SYCE1: variants seen among roughly 807,000 people sequenced by gnomAD.
SYCE1 encodes the protein cancer/testis antigen 76.
SYCE1 carries 37 observed loss-of-function variants against 55.1 expected under a neutral mutation model. The observed-to-expected ratio is 0.67, with a 90% CI of 0.52 to 0.88. SYCE1 has a LOEUF of 0.88. Ranked by LOEUF, SYCE1 falls within the 40% of genes least tolerant of loss-of-function variation. The probability of loss-of-function intolerance (pLI) is 0.00; values close to 1 mark genes in which losing one functional copy is unlikely to be tolerated. For missense variants in SYCE1, 399 were observed against 416.4 expected, an observed-to-expected ratio of 0.96 and a Z score of 0.36; for synonymous variants, 163 against 159.4, an observed-to-expected ratio of 1.02 and a Z score of -0.17.
chr10:133,564,284 C>G (rs1051561863), intron 1 of SYCE1: 43 of 633,862 alleles, frequency 6.8e-5, no homozygotes, highest in Non-Finnish European at 8.1e-5. Flanking sequence ...CAGGCCCCCA[C>G]CAGACGCTGA....
At chr10:133,559,441 C>T (rs948648732) in intron 2 of SYCE1, 81 bp from the exon 3 acceptor site, 19 of 1,375,168 alleles carry the variant, frequency 1.4e-5, no homozygotes, top group South Asian at 2.4e-5. Flanking sequence ...GCTGCTTTCA[C>T]GCAACACAGA....
At chr10:133,559,914 G>A in intron 2 of SYCE1, 177 bp downstream of exon 2, 1 of 630,150 alleles carries the variant, frequency 1.6e-6, no homozygotes, top group Non-Finnish European at 2.7e-6. Context: ...ATACCCTTTT[G>A]CTTCTTTAAT....
At chr10:133,556,717 G>A in intron 8 of SYCE1, 42 bp downstream of exon 8, 1 of 1,546,958 alleles carries the variant, frequency 6.5e-7, no homozygotes, top group Non-Finnish European at 8.8e-7. Context: ...GGTGCTGCTA[G>A]GGAAGATGTG....
At chr10:133,555,925 G>A in intron 9 of SYCE1, 22 bp from the exon 10 acceptor site, 1 of 1,613,718 alleles carries the variant, frequency 6.2e-7, no homozygotes, top group East Asian at 2.2e-5. Flanking sequence ...AGGGGCAGGT[G>A]AGCACATGAA....
upstream of SYCE1, among the ~76,000 whole-genome samples, chr10:133,566,430 G>A (rs2987797): frequency 0.72 from 108,527 of 151,398 alleles, 43,545 homozygotes; most frequent in Non-Finnish European, 0.89. Context: ...GGTTAGAGTT[G>A]GGGTTGGGGT....
At chr10:133,555,207 C>A in intron 12 of SYCE1, 78 bp from the exon 13 acceptor site, 1 of 1,536,672 alleles carries the variant, frequency 6.5e-7, no homozygotes, top group Non-Finnish European at 8.8e-7. Context: ...CCCATCACCA[C>A]CTTGGGTGGA....
Position 133,556,743 on chromosome 10 carries a change from G to C in SYCE1, c.528+16C>G. 1 of 1,556,902 alleles carries C rather than the reference G, an allele frequency of 6.4e-7. No homozygotes were observed. The highest frequency in any genetic ancestry group is 8.7e-7 in the Non-Finnish European group (1 of 1,150,100). On this transcript the variant is annotated intron_variant, in intron 8 of 12. Coordinates refer to ENST00000343131, the MANE Select transcript of SYCE1 (RefSeq NM_001143764.3). ...GGAAGATGTGGAAGGGGGAGGAGTG[G>C]CTTTGAGGGACTCACGTGGAAGTCC...
At chr10:133,568,117 A>C (rs1258548807), upstream of SYCE1, 6 of 755,644 alleles carry the variant, frequency 7.9e-6, no homozygotes, top group Non-Finnish European at 1.4e-5. Context: ...GCCCCAGGGC[A>C]CTGAGGGCGC....
In SYCE1 at chr10:133,559,902, CTA is replaced by C. The variant is rs998829176; in HGVS notation, c.136+187_136+188del. On this transcript the variant is annotated intron_variant, in intron 2 of 12. Transcript: ENST00000343131. ...GGGTTTTGGGAAAACATTTTGCCTT[CTA>C]TACCCTTTTGCTTCTTTAATTTTGA... 8.2e-6 allele frequency: 5 copies of C among 608,644 alleles called. No individual in the cohort carries two copies. The African/African-American group carries it at 9.3e-5, about 11-fold the overall frequency. The allele number at this position is 608,644 out of a possible 1,614,324, so 37.7% of individuals were successfully genotyped here. A position where few individuals can be genotyped will look rare whatever the true frequency, so the allele number is the denominator to read the frequency against.
chr10:133,556,617 T>G (rs1851689455), intron 8 of SYCE1, 142 bp downstream of exon 8: 1 of 825,906 alleles, frequency 1.2e-6, no homozygotes, highest in African/African-American at 1.7e-5. Flanking sequence ...GACAAGGGAC[T>G]GGATTCAGGC....
In SYCE1 at chr10:133,557,043, C is replaced by A. The variant is rs745412541; in HGVS notation, c.464+24G>T. 1.9e-6 allele frequency: 3 copies of A among 1,610,184 alleles called. No homozygotes were observed. In the African/African-American group the frequency reaches 4.0e-5, roughly 22 times the overall value. ...TCCCAACTACTGGCCATCCAAACCC[C>A]CTGCCTCAGATGCTAAGGTTTACCT... On this transcript the variant is annotated intron_variant, in intron 7 of 12. Transcript: ENST00000343131.
rs555607951 is a variant in SYCE1 at position 133,565,427 on chromosome 10, C to G, written c.73+30G>C. 1.3e-5 allele frequency: 20 copies of G among 1,536,398 alleles called. No homozygotes were observed. The African/African-American group carries it at 2.8e-4, about 21-fold the overall frequency. On this transcript the variant is annotated intron_variant, in intron 1 of 12. Coordinates refer to ENST00000343131, the MANE Select transcript of SYCE1 (RefSeq NM_001143764.3). The stretch of plus-strand genomic sequence containing the variant: ...CCCCGCCTCGGCGAGGTCAGACCCT[C>G]ACGCACAGTTCCCTGCCTCCCACCA...
At position 133,565,553 on chromosome 10, in the gene SYCE1, G is replaced by T; in HGVS notation, c.-24C>A. The T allele has an allele frequency of 1.3e-6, 2 of 1,547,454 alleles. No homozygotes were observed. The highest frequency in any genetic ancestry group is 8.7e-7 in the Non-Finnish European group (1 of 1,146,016). On this transcript the variant is annotated 5_prime_UTR_variant, in exon 1 of 13. Coordinates refer to ENST00000343131, the MANE Select transcript of SYCE1 (RefSeq NM_001143764.3). ...ATTTCCTCTCAGCTCGCCAGCGAGG[G>T]TGCCTCGGGAGGGAGCCTCCAGTGG...
In SYCE1 at chr10:133,560,155, T is replaced by C. The variant is rs199562735; in HGVS notation, c.74-2A>G. On this transcript the variant is annotated splice_acceptor_variant, in intron 1 of 12. Coordinates refer to ENST00000343131, the MANE Select transcript of SYCE1 (RefSeq NM_001143764.3). LOFTEE classifies it high-confidence loss of function. ...TTTTCTGTGAGGACGTGTCCTGCCC[T>C]GTGGAGACAAAACCAAACATTTCAG... The C allele has an allele frequency of 4.0e-5, 64 of 1,613,870 alleles. No homozygotes were observed. Among genetic ancestry groups the C allele is most frequent in the Non-Finnish European group, 2.2e-5 (26 of 1,179,874 alleles).
At chr10:133,562,464 A>G (rs1380159767) in intron 1 of SYCE1, among the ~76,000 whole-genome samples, 1 of 152,022 alleles carries the variant, frequency 6.6e-6, no homozygotes. Flanking sequence ...GCTCTGCTGC[A>G]TGAGGGACCT....
chr10:133,561,067 T>C (rs1851805273), intron 1 of SYCE1: 1 of 152,204 alleles, frequency 6.6e-6, no homozygotes, highest in Non-Finnish European at 1.5e-5. Flanking sequence ...CTTACATATG[T>C]TGATTTGTGT....
At position 133,561,179 on chromosome 10, in the gene SYCE1, C is replaced by T. The variant is rs1851807573; in HGVS notation, c.74-1026G>A. ...CTCCTGAGGCCGTGTCACAGGCATG[C>T]ATCCCTAACTTTGGTAAAATAAACT... On this transcript the variant is annotated intron_variant, in intron 1 of 12. Coordinates refer to ENST00000343131, the MANE Select transcript of SYCE1 (RefSeq NM_001143764.3). 4 of 152,338 alleles carry T rather than the reference C, an allele frequency of 2.6e-5. No homozygotes were observed. The South Asian group carries it at 8.3e-4, about 32-fold the overall frequency. The allele number at this position is 152,338 out of a possible 1,614,324, so 9.4% of individuals were successfully genotyped here.
chr10:133,557,211 T>C (rs766477841), intron 6 of SYCE1, 55 bp from the exon 7 acceptor site: 31 of 1,481,548 alleles, frequency 2.1e-5, no homozygotes, highest in Non-Finnish European at 2.9e-5. Flanking sequence ...AGGAGGGCAC[T>C]GGGCTGGGGC....
intron 8 of SYCE1, 180 bp downstream of exon 8, chr10:133,556,579 C>G: frequency 1.5e-6 from 1 of 672,064 alleles, no homozygotes. Flanking sequence ...ATCCCCCTGA[C>G]CACTGAGCAG....
Sources: allele counts gnomAD v4.1 joint callset (sites outside exome capture counted in the v4.1 genomes callset), GRCh38; gene constraint gnomAD v4.1.1; transcripts MANE v1.5; gene names NCBI Gene and HGNC (gene_info 2026-07-23, HGNC 2026-07-21).